Variants in NPAS3 observed in about 807,000 individuals in gnomAD.
NPAS3 encodes neuronal PAS domain-containing protein 3.
Under a neutral mutation model 73.1 loss-of-function variants are expected in NPAS3, and 14 were observed. The ratio of observed to expected loss-of-function variants is 0.19; its 90% CI spans 0.13 to 0.30. NPAS3 has a LOEUF of 0.30. Among genes scored for constraint, NPAS3 ranks in the 10% least tolerant of loss-of-function variants. The probability of loss-of-function intolerance (pLI) is 1.00; values close to 1 mark genes in which losing one functional copy is unlikely to be tolerated. For synonymous variants in NPAS3, 620 were observed against 541.5 expected (o/e 1.14, Z -2.01); for missense variants, 1,096 against 1,250.0 (o/e 0.88, Z 1.86).
intron 3 of NPAS3, among the ~76,000 whole-genome samples, chr14:33,285,447 C>A (rs1212232537): frequency 6.6e-6 from 1 of 152,170 alleles, no homozygotes; most frequent in African/African-American, 2.4e-5. Context: ...TTCATCTTGG[C>A]TGTATAAACT....
chr14:33,698,289 A>G (rs910406531), intron 6 of NPAS3, among the ~76,000 whole-genome samples: 2 of 152,238 alleles, frequency 1.3e-5, no homozygotes, highest in African/African-American at 4.8e-5. Context: ...AAATGTTTTT[A>G]TTCTGCTTTT....
chr14:33,563,537 C>CACACACACACACAGAGAGAGAGAGAGAG, intron 5 of NPAS3, among the ~76,000 whole-genome samples: 22 of 119,694 alleles, frequency 1.8e-4, no homozygotes, highest in African/African-American at 8.2e-4. Context: ...CACACACACA[C>CACACACACACACAGAGAGAGAGAGAGAG]AGAGAGAGAG....
chr14:33,256,041 G>C (rs1204788421), intron 3 of NPAS3, among the ~76,000 whole-genome samples: 1 of 152,142 alleles, frequency 6.6e-6, no homozygotes, highest in Non-Finnish European at 1.5e-5. Context: ...AAAATTTCCT[G>C]TTTTGTTAGA....
chr14:33,232,676 T>C (rs1461097585), intron 3 of NPAS3, among the ~76,000 whole-genome samples: 1 of 152,162 alleles, frequency 6.6e-6, no homozygotes, highest in Non-Finnish European at 1.5e-5. Context: ...TTTCGTCTAC[T>C]TCTACAATAC....
At chr14:33,292,713 A>C (rs544979075) in intron 3 of NPAS3, among the ~76,000 whole-genome samples, 1 of 152,230 alleles carries the variant, frequency 6.6e-6, no homozygotes, top group Admixed American at 6.5e-5. Context: ...TAGTTGTTGG[A>C]GGGGGAGTCC....
intron 5 of NPAS3, among the ~76,000 whole-genome samples, chr14:33,626,393 A>T (rs2058220831): frequency 1.3e-5 from 2 of 152,202 alleles, no homozygotes; most frequent in East Asian, 3.8e-4. Flanking sequence ...TATGAAATTC[A>T]GTGCTTCTTG....
intron 11 of NPAS3, among the ~76,000 whole-genome samples, chr14:33,798,934 A>G (rs1378078923): frequency 3.6e-5 from 5 of 140,152 alleles, no homozygotes; most frequent in Non-Finnish European, 7.5e-5. Flanking sequence ...TGAGTCCAGG[A>G]GTTTGAGAGC....
intron 3 of NPAS3, among the ~76,000 whole-genome samples, chr14:33,246,106 G>A (rs1009261760): frequency 6.6e-6 from 1 of 152,006 alleles, no homozygotes; most frequent in African/African-American, 2.4e-5. Flanking sequence ...GTAACCTCGG[G>A]TAAGTTTATG....
chr14:33,487,199 T>G (rs561055183), intron 4 of NPAS3, among the ~76,000 whole-genome samples: 1 of 152,370 alleles, frequency 6.6e-6, no homozygotes, highest in South Asian at 2.1e-4. Context: ...TATTTCTTCC[T>G]TAACATGCAT....
At chr14:33,056,861 T>C (rs1259262008) in intron 2 of NPAS3, among the ~76,000 whole-genome samples, 2 of 152,234 alleles carry the variant, frequency 1.3e-5, no homozygotes, top group Non-Finnish European at 2.9e-5. Flanking sequence ...ATAATTCCAC[T>C]GAAGGCATTA....
intron 4 of NPAS3, among the ~76,000 whole-genome samples, chr14:33,482,436 A>G (rs2051374585): frequency 6.6e-6 from 1 of 152,152 alleles, no homozygotes; most frequent in African/African-American, 2.4e-5. Flanking sequence ...TCTGGTCACT[A>G]TAACTACAGA....
Position 33,604,405 on chromosome 14 carries a change from T to C in NPAS3, c.558+44195T>C, listed in dbSNP as rs573711594. Among the ~76,000 whole-genome samples, 2 of 152,020 alleles carry C rather than the reference T, an allele frequency of 1.3e-5. 1 individual carries two copies. Among genetic ancestry groups the C allele is most frequent in the Non-Finnish European group, 2.9e-5 (2 of 67,934 alleles). On this transcript the variant is annotated intron_variant, in intron 5 of 11. Transcript: ENST00000356141. ...TAGATTTCAGATCAAAGAATATAAC[T>C]ATGGATAAAGAAGTTCATTTCATAA...
intron 2 of NPAS3, among the ~76,000 whole-genome samples, chr14:33,180,986 A>G (rs1050732895): frequency 6.6e-6 from 1 of 152,014 alleles, no homozygotes; most frequent in Non-Finnish European, 1.5e-5. Flanking sequence ...ATGTTTTCCC[A>G]CCACTCTGAT....
chr14:33,572,053 T>A (rs944587564), intron 5 of NPAS3, among the ~76,000 whole-genome samples: 1 of 152,210 alleles, frequency 6.6e-6, no homozygotes, highest in Non-Finnish European at 1.5e-5. Context: ...TTTTATTGAC[T>A]CTAGACACTT....
chr14:33,458,650 A>G (rs1431844548), intron 4 of NPAS3, among the ~76,000 whole-genome samples: 3 of 152,228 alleles, frequency 2.0e-5, no homozygotes, highest in Non-Finnish European at 4.4e-5. Flanking sequence ...AAGCAGTTGC[A>G]GTTGTGCTGT....
rs141167163 is a variant in NPAS3, at chr14:33,674,127, G to A, written c.559-2084G>A. Among the ~76,000 whole-genome samples, 554 of 152,254 alleles carry A rather than the reference G, an allele frequency of 3.6e-3. 5 individuals carry two copies. Among genetic ancestry groups the A allele is most frequent in the African/African-American group, 0.013 (542 of 41,548 alleles). ...ACTCCGGACATTATTGTATAGGAAGGAAGTATCTGCACATCCGAGCAAATC... is the reference window on the plus strand; with the variant it reads ...ACTCCGGACATTATTGTATAGGAAGAAAGTATCTGCACATCCGAGCAAATC... On this transcript the variant is annotated intron_variant, in intron 5 of 11. Transcript: ENST00000356141.
At chr14:33,264,261 G>A (rs965006577) in intron 3 of NPAS3, among the ~76,000 whole-genome samples, 1 of 152,086 alleles carries the variant, frequency 6.6e-6, no homozygotes, top group South Asian at 2.1e-4. Flanking sequence ...ATCACACACT[G>A]GGGCCTGTTG....
At chr14:32,962,717 C>A (rs187164859) in intron 1 of NPAS3, among the ~76,000 whole-genome samples, 1 of 151,156 alleles carries the variant, frequency 6.6e-6, no homozygotes, top group African/African-American at 2.4e-5. Flanking sequence ...CATGCACCAT[C>A]ATGCCTGGCT....
intron 5 of NPAS3, among the ~76,000 whole-genome samples, chr14:33,613,132 TATAAA>T (rs1345311241): frequency 2.0e-5 from 3 of 152,250 alleles, no homozygotes; most frequent in Admixed American, 6.5e-5. Flanking sequence ...ATATGGATAA[TATAAA>T]AGACAGAGAG....
Sources: allele counts gnomAD v4.1 joint callset (sites outside exome capture counted in the v4.1 genomes callset), GRCh38; gene constraint gnomAD v4.1.1; transcripts MANE v1.5; gene names NCBI Gene and HGNC (gene_info 2026-07-23, HGNC 2026-07-21).